Variants in KCNQ1OT1 observed in about 807,000 individuals in gnomAD.
KCNQ1OT1 encodes the protein KCNQ1 antisense RNA 2 (non-protein coding).
exon 1 of KCNQ1OT1, chr11:2,610,203 C>A: frequency 2.5e-6 from 1 of 397,634 alleles, no homozygotes; most frequent in Non-Finnish European, 4.4e-6. Context: ...TAGGGCTTAC[C>A]TTATGTATCG....
In KCNQ1OT1 at chr11:2,683,838, C is replaced by G; in HGVS notation, n.16157G>C. 1 of 398,664 alleles carries G rather than the reference C, an allele frequency of 2.5e-6. No individual in the cohort carries two copies. Among genetic ancestry groups the G allele is most frequent in the South Asian group, 1.3e-4 (1 of 7,860 alleles). The allele number at this position is 398,664 out of a possible 1,614,324, so 24.7% of individuals were successfully genotyped here. A position where few individuals can be genotyped will look rare whatever the true frequency, so the allele number is the denominator to read the frequency against. On this transcript the variant is annotated non_coding_transcript_exon_variant, in exon 1 of 1. Transcript: ENST00000597346. This position sits in a 1 kb window ranked among gnomAD's most constrained non-coding sequence, Gnocchi z 4.7. ...GCTTGCAGAATGGCTTTGTTGGATT[C>G]CCCTCCCTGGCCCCACACTCACTGC...
At chr11:2,672,254 T>G (rs2133869662) in exon 1 of KCNQ1OT1, 2 of 398,696 alleles carry the variant, frequency 5.0e-6, no homozygotes, top group East Asian at 7.1e-5. Context: ...TTTTCTGCTT[T>G]TCTTTTTGAA....
chr11:2,609,912 G>A (rs1300124177), exon 1 of KCNQ1OT1: 2 of 397,888 alleles, frequency 5.0e-6, no homozygotes, highest in African/African-American at 2.1e-5. Flanking sequence ...ATCATCTAAA[G>A]TGTGCCTCAT....
chr11:2,680,123 C>T (rs912872132), exon 1 of KCNQ1OT1: 8 of 395,760 alleles, frequency 2.0e-5, no homozygotes, highest in Non-Finnish European at 3.5e-5. Flanking sequence ...AACTCCTGAC[C>T]TCAAGTGATC....
exon 1 of KCNQ1OT1, chr11:2,640,821 T>A (rs890830103): frequency 2.5e-6 from 1 of 398,996 alleles, no homozygotes; most frequent in Non-Finnish European, 4.4e-6. Context: ...CAACCTCTCT[T>A]CACCCTCCAG....
In KCNQ1OT1 at chr11:2,613,978, C is replaced by T. The variant is rs917216700; in HGVS notation, n.86017G>A. 5.0e-6 allele frequency: 2 copies of T among 398,482 alleles called. No individual in the cohort carries two copies. Among genetic ancestry groups the T allele is most frequent in the African/African-American group, 4.1e-5 (2 of 48,624 alleles). 24.7% of individuals were successfully genotyped at this position (398,482 alleles called of 1,614,324 possible). A position where few individuals can be genotyped will look rare whatever the true frequency, so the allele number is the denominator to read the frequency against. On this transcript the variant is annotated non_coding_transcript_exon_variant, in exon 1 of 1. Coordinates refer to ENST00000597346, the Ensembl canonical transcript of KCNQ1OT1. The surrounding 1 kb of genome is among the most constrained non-coding windows in gnomAD (Gnocchi z 4.8). ...ACATCTCCTAGAAATCACTCAACAT[C>T]CATTCACAGAGATCTTTCTCATTGC...
Position 2,657,865 on chromosome 11 carries a change from G to C in KCNQ1OT1, n.42130C>G. 1 of 398,618 alleles carries C rather than the reference G, an allele frequency of 2.5e-6. No homozygotes were observed. Among genetic ancestry groups the C allele is most frequent in the East Asian group, 3.6e-5 (1 of 28,082 alleles). The allele number at this position is 398,618 out of a possible 1,614,324, so 24.7% of individuals were successfully genotyped here. ...GGACTAGACCAGGGTTATAGGTTTA[G>C]GGGAAGGAGGCCAGTGAGGTGAGAT... On this transcript the variant is annotated non_coding_transcript_exon_variant, in exon 1 of 1. Transcript: ENST00000597346. This position sits in a 1 kb window ranked among gnomAD's most constrained non-coding sequence, Gnocchi z 4.8.
chr11:2,644,421 CTGTT>C (rs745373571), exon 1 of KCNQ1OT1: 2 of 398,226 alleles, frequency 5.0e-6, no homozygotes, highest in Non-Finnish European at 8.9e-6. Context: ...TCCAGAATAT[CTGTT>C]TGGTTCTTTT....
At position 2,662,006 on chromosome 11, in the gene KCNQ1OT1, T is replaced by C. The variant is rs967396850; in HGVS notation, n.37989A>G. 3 of 1,611,008 alleles carry C rather than the reference T, an allele frequency of 1.9e-6. No individual in the cohort carries two copies. Among genetic ancestry groups the C allele is most frequent in the East Asian group, 4.5e-5 (2 of 44,864 alleles). On this transcript the variant is annotated non_coding_transcript_exon_variant, in exon 1 of 1. Transcript: ENST00000597346. ...CTGGAAGTGAGCATGCCCCATTTCA[T>C]GAGAACCAACAGCTTCGCCGAGGAC...
At position 2,673,141 on chromosome 11, in the gene KCNQ1OT1, C is replaced by A; in HGVS notation, n.26854G>T. 2.5e-6 allele frequency: 1 copy of A among 398,726 alleles called. No homozygotes were observed. The allele number at this position is 398,726 out of a possible 1,614,324, so 24.7% of individuals were successfully genotyped here. A position where few individuals can be genotyped will look rare whatever the true frequency, so the allele number is the denominator to read the frequency against. ...GGCAGCATCAGGGCAGGGGTGCTGA[C>A]CATCCCTGACCCAAGCACGAGGATC... On this transcript the variant is annotated non_coding_transcript_exon_variant, in exon 1 of 1. Coordinates refer to ENST00000597346, the Ensembl canonical transcript of KCNQ1OT1. This position sits in a 1 kb window ranked among gnomAD's most constrained non-coding sequence, Gnocchi z 4.5.
chr11:2,617,257 C>A lies in KCNQ1OT1; in HGVS notation n.82738G>T. The A allele has an allele frequency of 2.5e-6, 1 of 398,420 alleles. No homozygotes were observed. Among genetic ancestry groups the A allele is most frequent in the Non-Finnish European group, 4.4e-6 (1 of 225,948 alleles). 24.7% of individuals were successfully genotyped at this position (398,420 alleles called of 1,614,324 possible). A position where few individuals can be genotyped will look rare whatever the true frequency, so the allele number is the denominator to read the frequency against. On this transcript the variant is annotated non_coding_transcript_exon_variant, in exon 1 of 1. Transcript: ENST00000597346. The surrounding 1 kb of genome is among the most constrained non-coding windows in gnomAD (Gnocchi z 4.6). ...CCCCACACCTTGCCCATGGTAACCA[C>A]TAGTTTATTCTATCTCTGTATATTT...
rs1849275533 is a variant in KCNQ1OT1, at chr11:2,627,235, T to C, written n.72760A>G. ...TTAAAAGTGCATATATTTAAGAACA[T>C]ATTTGACCTACTGTGAAATGATTAC... On this transcript the variant is annotated non_coding_transcript_exon_variant, in exon 1 of 1. Transcript: ENST00000597346. This position sits in a 1 kb window ranked among gnomAD's most constrained non-coding sequence, Gnocchi z 4.9. The C allele has an allele frequency of 1.0e-5, 4 of 398,582 alleles. No homozygotes were observed. The highest frequency in any genetic ancestry group is 6.3e-4 in the Middle Eastern group (1 of 1,588). The allele number at this position is 398,582 out of a possible 1,614,324, so 24.7% of individuals were successfully genotyped here.
In KCNQ1OT1 at chr11:2,608,719, C is replaced by T. The variant is rs1287098145; in HGVS notation, n.91276G>A. On this transcript the variant is annotated non_coding_transcript_exon_variant, in exon 1 of 1. Coordinates refer to ENST00000597346, the Ensembl canonical transcript of KCNQ1OT1. This position sits in a 1 kb window ranked among gnomAD's most constrained non-coding sequence, Gnocchi z 4.6. Reference sequence around the variant, plus strand: ...CCACAAGCAATTCTCGAACTCCTGGCCACAAGCAATTCTCCTGCCTTGGCC... The same window carrying T: ...CCACAAGCAATTCTCGAACTCCTGGTCACAAGCAATTCTCCTGCCTTGGCC... 7.5e-6 allele frequency: 3 copies of T among 398,392 alleles called. No individual in the cohort carries two copies. The highest frequency in any genetic ancestry group is 1.3e-5 in the Non-Finnish European group (3 of 226,112). The allele number at this position is 398,392 out of a possible 1,614,324, so 24.7% of individuals were successfully genotyped here.
exon 1 of KCNQ1OT1, chr11:2,644,133 A>G: frequency 2.5e-6 from 1 of 398,546 alleles, no homozygotes; most frequent in Non-Finnish European, 4.4e-6. Context: ...TTGGATCTAA[A>G]TCTCTTGGGA....
At chr11:2,662,242 C>T in exon 1 of KCNQ1OT1, 1 of 883,630 alleles carries the variant, frequency 1.1e-6, no homozygotes, top group Non-Finnish European at 1.7e-6. Context: ...AGGCACCAGG[C>T]AAGAGAGGAG....
exon 1 of KCNQ1OT1, chr11:2,622,624 C>G: frequency 2.5e-6 from 1 of 398,524 alleles, no homozygotes; most frequent in East Asian, 3.6e-5. Context: ...ACATTTCCTC[C>G]CTTACTGCCT....
exon 1 of KCNQ1OT1, chr11:2,666,259 A>AC (rs772741540): frequency 5.0e-6 from 2 of 398,434 alleles, no homozygotes; most frequent in East Asian, 7.1e-5. Context: ...GAGGACCAGG[A>AC]CCCCCGAGGC....
At position 2,662,084 on chromosome 11, in the gene KCNQ1OT1, G is replaced by A. The variant is rs374767819; in HGVS notation, n.37911C>T. ...ACACCCATCACCCACATCTCACAGT[G>A]AGTGCCTACATGTGCGTGAAGGGCT... On this transcript the variant is annotated non_coding_transcript_exon_variant, in exon 1 of 1. Transcript: ENST00000597346. 2.5e-5 allele frequency: 41 copies of A among 1,614,086 alleles called. No homozygotes were observed. Among genetic ancestry groups the A allele is most frequent in the Middle Eastern group, 3.3e-4 (2 of 6,084 alleles).
rs191419678 is a variant in KCNQ1OT1, at chr11:2,663,139, C to G, written n.36856G>C. ...AGGGGTAATTATGATCAGACAGGACCTGCCCACTGTCTTTCCAGGCCCCCC... is the reference window on the plus strand; with the variant it reads ...AGGGGTAATTATGATCAGACAGGACGTGCCCACTGTCTTTCCAGGCCCCCC... On this transcript the variant is annotated non_coding_transcript_exon_variant, in exon 1 of 1. Transcript: ENST00000597346. This position sits in a 1 kb window ranked among gnomAD's most constrained non-coding sequence, Gnocchi z 5.2. 154 of 398,716 alleles carry G rather than the reference C, an allele frequency of 3.9e-4. No individual in the cohort carries two copies. The highest frequency in any genetic ancestry group is 3.1e-3 in the African/African-American group (151 of 48,736). The allele number at this position is 398,716 out of a possible 1,614,324, so 24.7% of individuals were successfully genotyped here.
Sources: gnomAD v4.1 joint callset for allele counts on GRCh38, gnomAD v4.1.1 for gene constraint, Gnocchi (gnomAD v3.1) non-coding constraint, MANE v1.5 for transcripts, NCBI Gene and HGNC (gene_info 2026-07-23, HGNC 2026-07-21) for gene names.